Variants in AAMDC observed in about 807,000 individuals in gnomAD.
AAMDC encodes adipogenesis associated Mth938 domain containing.
AAMDC carries 16 observed loss-of-function variants against 15.5 expected under a neutral mutation model. The ratio of observed to expected loss-of-function variants is 1.03; its 90% CI spans 0.70 to 1.57. The LOEUF is 1.57. AAMDC is among the 40% of genes most tolerant of loss of function. The pLI, the probability that AAMDC is intolerant of heterozygous loss-of-function variation, is 0.00. For missense variants in AAMDC, 141 were observed against 144.9 expected (o/e 0.97, Z 0.14); for synonymous variants, 51 against 51.6 (o/e 0.99, Z 0.05).
chr11:77,851,188 C>CAA (rs1950367172), intron 2 of AAMDC, among the ~76,000 whole-genome samples: 1 of 152,040 alleles, frequency 6.6e-6, no homozygotes, highest in Non-Finnish European at 1.5e-5. Flanking sequence ...CTCCTGACCT[C>CAA]GTGATCCACC....
chr11:77,863,155 C>T (rs969012013), intron 2 of AAMDC, among the ~76,000 whole-genome samples: 4 of 152,116 alleles, frequency 2.6e-5, no homozygotes, highest in Non-Finnish European at 5.9e-5. Context: ...CCGTGGGTCA[C>T]GGAAGAGAAC....
downstream of AAMDC, among the ~76,000 whole-genome samples, chr11:77,903,878 GAGGAC>G (rs778461428): frequency 6.6e-5 from 10 of 152,168 alleles, no homozygotes; most frequent in East Asian, 1.4e-3. Flanking sequence ...TCTGGAAGCA[GAGGAC>G]AGGAACCACG....
intron 2 of AAMDC, among the ~76,000 whole-genome samples, chr11:77,849,701 C>G (rs927815172): frequency 6.6e-6 from 1 of 152,124 alleles, no homozygotes; most frequent in African/African-American, 2.4e-5. Flanking sequence ...TATTTCATAA[C>G]ACATATTTGA....
Position 77,857,699 on chromosome 11 carries a change from GT to G in AAMDC, c.133-12008del, listed in dbSNP as rs780960090. Among the ~76,000 whole-genome samples, 439 of 137,624 alleles carry G rather than the reference GT, an allele frequency of 3.2e-3. 3 individuals carry two copies. The highest frequency in any genetic ancestry group is 0.017 in the South Asian group (73 of 4,320). 90.3% of individuals were successfully genotyped at this position (137,624 alleles called of 152,430 possible). On this transcript the variant is annotated intron_variant, in intron 2 of 3. Transcript: ENST00000393427. ...CACCTATCAACCCATCAACTAAGTTGTTTTTTTTTTTTTTTGAGATGGAGTC... is the reference window on the plus strand; with the variant it reads ...CACCTATCAACCCATCAACTAAGTTGTTTTTTTTTTTTTTGAGATGGAGTC...
At chr11:77,836,737 G>A (rs926624686) in intron 1 of AAMDC, among the ~76,000 whole-genome samples, 3 of 152,194 alleles carry the variant, frequency 2.0e-5, no homozygotes, top group African/African-American at 4.8e-5. Flanking sequence ...AGGCCTAGGC[G>A]GGTGGATCGC....
intron 5 of AAMDC, among the ~76,000 whole-genome samples, chr11:77,897,302 T>G (rs1396330177): frequency 1.3e-5 from 2 of 151,616 alleles, no homozygotes; most frequent in Admixed American, 6.6e-5. Flanking sequence ...AAGACTGGCC[T>G]GGACAACGCA....
chr11:77,887,373 C>T (rs558318446), intron 5 of AAMDC, among the ~76,000 whole-genome samples: 2 of 152,210 alleles, frequency 1.3e-5, no homozygotes, highest in East Asian at 3.9e-4. Context: ...AATTCAACAA[C>T]CTTCATGCTA....
At chr11:77,883,898 G>A (rs1036518383) in intron 5 of AAMDC, 3 of 1,613,046 alleles carry the variant, frequency 1.9e-6, no homozygotes, top group Admixed American at 3.3e-5. Context: ...CCAGGATTCC[G>A]GAAGTCTGCA....
intron 5 of AAMDC, among the ~76,000 whole-genome samples, chr11:77,878,242 G>A (rs898013943): frequency 6.6e-6 from 1 of 151,888 alleles, no homozygotes; most frequent in South Asian, 2.1e-4. Context: ...GGCGCCTGTA[G>A]TCCCACCTAC....
chr11:77,824,922 A>G (rs1949098132), intron 1 of AAMDC, among the ~76,000 whole-genome samples: 1 of 152,160 alleles, frequency 6.6e-6, no homozygotes, highest in African/African-American at 2.4e-5. Flanking sequence ...ATACAAATTT[A>G]TACACATTTC....
At chr11:77,889,350 A>AAC (rs1419188695) in intron 5 of AAMDC, among the ~76,000 whole-genome samples, 1 of 147,812 alleles carries the variant, frequency 6.8e-6, no homozygotes, top group African/African-American at 2.5e-5. Context: ...GAACAATGAG[A>AAC]ACACATGGAC....
intron 5 of AAMDC, among the ~76,000 whole-genome samples, chr11:77,891,041 AC>A (rs1020958431): frequency 4.6e-5 from 7 of 152,166 alleles, no homozygotes; most frequent in Non-Finnish European, 7.4e-5. Context: ...CATTTAGTGA[AC>A]CCTTACTGGG....
At chr11:77,889,670 A>G (rs1264952008) in intron 5 of AAMDC, among the ~76,000 whole-genome samples, 1 of 152,216 alleles carries the variant, frequency 6.6e-6, no homozygotes, top group Non-Finnish European at 1.5e-5. Context: ...GTTTACTGCT[A>G]TATCTCTATT....
chr11:77,876,665 T>C (rs1951603110), downstream of AAMDC, among the ~76,000 whole-genome samples: 8 of 152,166 alleles, frequency 5.3e-5, no homozygotes. Context: ...TGTATTCTGA[T>C]ACCAAGCCAA....
chr11:77,894,854 C>T (rs1321380499), intron 5 of AAMDC, among the ~76,000 whole-genome samples: 2 of 152,226 alleles, frequency 1.3e-5, no homozygotes, highest in Admixed American at 6.5e-5. Context: ...AGCCTACAGC[C>T]ATTGTATCGG....
intron 1 of AAMDC, among the ~76,000 whole-genome samples, chr11:77,823,267 T>C (rs1037040303): frequency 2.0e-5 from 3 of 151,168 alleles, no homozygotes; most frequent in South Asian, 4.2e-4. Context: ...AAAATATCTT[T>C]ATGGTTATGA....
intron 5 of AAMDC, among the ~76,000 whole-genome samples, chr11:77,893,025 G>A (rs72939452): frequency 0.13 from 19,381 of 152,148 alleles, 1,396 homozygotes; most frequent in Admixed American, 0.19. Flanking sequence ...AAAACCTCAG[G>A]TTTGGTGAAC....
downstream of AAMDC, among the ~76,000 whole-genome samples, chr11:77,905,687 A>G (rs1194140773): frequency 6.6e-6 from 1 of 152,254 alleles, no homozygotes; most frequent in Non-Finnish European, 1.5e-5. Context: ...GGGTGACTGC[A>G]TATGCAGTGG....
chr11:77,859,763 T>C (rs1359295474), intron 2 of AAMDC, among the ~76,000 whole-genome samples: 2 of 152,246 alleles, frequency 1.3e-5, no homozygotes, highest in Non-Finnish European at 2.9e-5. Flanking sequence ...AATTACTTGT[T>C]GACAGTTATG....
Sources: allele counts gnomAD v4.1 joint callset (sites outside exome capture counted in the v4.1 genomes callset), GRCh38; gene constraint gnomAD v4.1.1; transcripts MANE v1.5; gene names NCBI Gene and HGNC (gene_info 2026-07-23, HGNC 2026-07-21).